TADA2A: variants seen among roughly 807,000 people sequenced by gnomAD.
The protein encoded by TADA2A is transcriptional adapter 2-alpha.
TADA2A carries 38 observed loss-of-function variants against 67.4 expected under a neutral mutation model. That is an observed-to-expected ratio of 0.56 (90% confidence interval 0.44 to 0.74). TADA2A has a LOEUF of 0.74. Among genes scored for constraint, TADA2A ranks in the 30% least tolerant of loss-of-function variants. The pLI is 0.00. For synonymous variants in TADA2A, 192 were observed against 181.6 expected (o/e 1.06, Z -0.46); for missense variants, 454 against 547.0 (o/e 0.83, Z 1.70).
intron 7 of TADA2A, among the ~76,000 whole-genome samples, chr17:37,443,883 A>T (rs1282275902): frequency 6.6e-6 from 1 of 152,168 alleles, no homozygotes; most frequent in Non-Finnish European, 1.5e-5. Context: ...TCAGCTATGG[A>T]ATTAAAAGAC....
chr17:37,466,811 TGTA>T (rs2053673760), intron 11 of TADA2A, among the ~76,000 whole-genome samples: 1 of 152,208 alleles, frequency 6.6e-6, no homozygotes. Flanking sequence ...TAGAATGATT[TGTA>T]GAACTTTTAA....
intron 12 of TADA2A, among the ~76,000 whole-genome samples, chr17:37,467,926 A>G (rs570083321): frequency 6.6e-6 from 1 of 152,170 alleles, no homozygotes; most frequent in African/African-American, 2.4e-5. Flanking sequence ...TACTAAAAAT[A>G]AAAAAACTAG....
At chr17:37,443,558 G>A (rs1340430172) in intron 7 of TADA2A, among the ~76,000 whole-genome samples, 9 of 152,134 alleles carry the variant, frequency 5.9e-5, no homozygotes, top group Admixed American at 5.9e-4. Context: ...CTGGCTTGTA[G>A]TCTGGTTCTT....
intron 4 of TADA2A, chr17:37,436,325 A>G (rs896950460): frequency 6.6e-6 from 1 of 152,038 alleles, no homozygotes; most frequent in Admixed American, 6.6e-5. Context: ...TGAGTTCGTT[A>G]TATTTTGCAT....
intron 8 of TADA2A, among the ~76,000 whole-genome samples, chr17:37,449,388 A>G (rs896835610): frequency 6.6e-6 from 1 of 152,212 alleles, no homozygotes; most frequent in African/African-American, 2.4e-5. Context: ...GCTAATACAT[A>G]TAGCATTTAC....
intron 9 of TADA2A, 28 bp downstream of exon 9, chr17:37,458,615 C>A: frequency 6.3e-7 from 1 of 1,587,962 alleles, no homozygotes; most frequent in Non-Finnish European, 8.6e-7. Context: ...TCCTGGCCTC[C>A]TTTCAGCTTT....
intron 8 of TADA2A, among the ~76,000 whole-genome samples, chr17:37,451,966 A>G (rs995641570): frequency 6.6e-6 from 1 of 152,108 alleles, no homozygotes; most frequent in Non-Finnish European, 1.5e-5. Flanking sequence ...CCTGGGCGAC[A>G]AGAGCAAAAC....
chr17:37,415,852 C>T (rs374912471), intron 2 of TADA2A, among the ~76,000 whole-genome samples: 19 of 133,842 alleles, frequency 1.4e-4, no homozygotes, highest in African/African-American at 4.0e-4. Flanking sequence ...CCAGCCTGGG[C>T]GACAAGAGTG....
Position 37,469,065 on chromosome 17 carries a change from TA to T in TADA2A, c.896-1333del, listed in dbSNP as rs2053729147. 2.0e-5 allele frequency among the ~76,000 whole-genome samples: 3 copies of T among 151,624 alleles called. No homozygotes were observed. The South Asian group carries it at 6.2e-4, about 31-fold the overall frequency. On this transcript the variant is annotated intron_variant, in intron 12 of 15. Transcript: ENST00000615182. ...ACAGTCATGCACCACCATACCCGGC[TA>T]ATTTTTTTTTTTGTATTTTTAGTAG...
intron 8 of TADA2A, among the ~76,000 whole-genome samples, chr17:37,450,064 C>T (rs1317373911): frequency 6.6e-6 from 1 of 152,136 alleles, no homozygotes; most frequent in Non-Finnish European, 1.5e-5. Context: ...TTAACGATAG[C>T]TGATGAGCTA....
intron 12 of TADA2A, 71 bp downstream of exon 12, chr17:37,467,596 ATTG>A: frequency 7.6e-7 from 1 of 1,316,980 alleles, no homozygotes; most frequent in Non-Finnish European, 1.1e-6. Context: ...AAGTCTCTGA[ATTG>A]TTGTGAATTT....
At position 37,437,907 on chromosome 17, in the gene TADA2A, A is replaced by G. The variant is rs902961679; in HGVS notation, c.284+78A>G. Reference sequence around the variant, plus strand: ...CTGTTGTTGAAGAGTAAAGGAAGGAACCTCAGGAAGAGAAAGTATGTGTTG... The same window carrying G: ...CTGTTGTTGAAGAGTAAAGGAAGGAGCCTCAGGAAGAGAAAGTATGTGTTG... On this transcript the variant is annotated intron_variant, in intron 5 of 15. Coordinates refer to ENST00000615182, the MANE Select transcript of TADA2A (RefSeq NM_001166105.3). 35 of 1,357,518 alleles carry G rather than the reference A, an allele frequency of 2.6e-5. No individual in the cohort carries two copies. In the African/African-American group the frequency reaches 4.9e-4, roughly 19 times the overall value. The allele number at this position is 1,357,518 out of a possible 1,614,324, so 84.1% of individuals were successfully genotyped here. A position where few individuals can be genotyped will look rare whatever the true frequency, so the allele number is the denominator to read the frequency against.
chr17:37,430,352 G>A (rs769664360), intron 4 of TADA2A, among the ~76,000 whole-genome samples: 1 of 151,988 alleles, frequency 6.6e-6, no homozygotes, highest in Non-Finnish European at 1.5e-5. Context: ...CCTTCTATAG[G>A]CATGATGACC....
At chr17:37,411,214 A>T in intron 1 of TADA2A, 55 bp from the exon 2 acceptor site, 1 of 716,838 alleles carries the variant, frequency 1.4e-6, no homozygotes, top group African/African-American at 1.8e-5. Flanking sequence ...TCTTCTCTTT[A>T]TCTTGTCCCT....
At position 37,466,887 on chromosome 17, in the gene TADA2A, G is replaced by A. The variant is rs533978337; in HGVS notation, c.824-567G>A. Among the ~76,000 whole-genome samples the A allele has an allele frequency of 2.6e-5, 4 of 152,270 alleles. No individual in the cohort carries two copies. In the East Asian group the frequency reaches 7.7e-4, roughly 29 times the overall value. On this transcript the variant is annotated intron_variant, in intron 11 of 15. Coordinates refer to ENST00000615182, the MANE Select transcript of TADA2A (RefSeq NM_001166105.3). Reference sequence around the variant, plus strand: ...AAAATTATATTTTGCCCAGTGCGGTGGCTCATTCCTATAATGCCAGCTACT... The same window carrying A: ...AAAATTATATTTTGCCCAGTGCGGTAGCTCATTCCTATAATGCCAGCTACT...
intron 13 of TADA2A, among the ~76,000 whole-genome samples, 153 bp from the exon 14 acceptor site, chr17:37,470,941 A>G (rs1284348473): frequency 6.6e-6 from 1 of 152,120 alleles, no homozygotes; most frequent in Admixed American, 6.5e-5. Flanking sequence ...TTCCTGCTCA[A>G]TACAGTGAGA....
At chr17:37,421,831 T>TATTATGAAAAGTTTTGAACTTAA (rs145040794) in intron 2 of TADA2A, among the ~76,000 whole-genome samples, 2,194 of 145,148 alleles carry the variant, frequency 0.015, 260 homozygotes, top group Middle Eastern at 0.047. Flanking sequence ...CCCAACTTTT[T>TATTATGAAAAGTTTTGAACTTAA]ATAGAAAAGT....
chr17:37,465,555 G>C lies in TADA2A; in HGVS notation c.823+14G>C. ...AAAGCCATGCATGTAGGTGGTTTTT[G>C]AGCCTTGAGCAGTATTTGTGTGTGT... On this transcript the variant is annotated intron_variant, in intron 11 of 15. Transcript: ENST00000615182. 1 of 1,614,046 alleles carries C rather than the reference G, an allele frequency of 6.2e-7. No individual in the cohort carries two copies.
At chr17:37,475,288 C>T (rs796503977) in intron 15 of TADA2A, among the ~76,000 whole-genome samples, 80 of 151,952 alleles carry the variant, frequency 5.3e-4, no homozygotes, top group African/African-American at 1.9e-3. Flanking sequence ...TCTTCTGCCT[C>T]AGCTCCCCGA....
Sources: allele counts gnomAD v4.1 joint callset (sites outside exome capture counted in the v4.1 genomes callset), GRCh38; gene constraint gnomAD v4.1.1; transcripts MANE v1.5; gene names NCBI Gene and HGNC (gene_info 2026-07-23, HGNC 2026-07-21).